PTK2: variants seen among roughly 807,000 people sequenced by gnomAD.
PTK2 encodes the protein focal adhesion kinase 1.
In PTK2, 45 loss-of-function variants were observed where a neutral mutation model predicts 150.1. The ratio of observed to expected loss-of-function variants is 0.30; its 90% CI spans 0.24 to 0.38. PTK2 has a LOEUF of 0.38. PTK2 is among the 10% of genes least tolerant of loss of function. PTK2 has a pLI of 1.00. For synonymous variants in PTK2, 432 were observed against 449.2 expected, an observed-to-expected ratio of 0.96 and a Z score of 0.48; for missense variants, 919 against 1,307.3, an observed-to-expected ratio of 0.70 and a Z score of 4.58.
chr8:140,880,862 C>A (rs1428715389), intron 3 of PTK2, among the ~76,000 whole-genome samples: 1 of 152,132 alleles, frequency 6.6e-6, no homozygotes, highest in Non-Finnish European at 1.5e-5. Context: ...CATACTGGTA[C>A]CTGGCATGTG....
chr8:140,729,550 G>A lies in PTK2; in HGVS notation c.2030+5701C>T, dbSNP rs146300559. Among the ~76,000 whole-genome samples, 567 of 152,324 alleles carry A rather than the reference G, an allele frequency of 3.7e-3. 3 individuals carry two copies. Among genetic ancestry groups the A allele is most frequent in the African/African-American group, 0.012 (516 of 41,582 alleles). On this transcript the variant is annotated intron_variant, in intron 22 of 31. Transcript: ENST00000522684. ...GGAAGCCATGTCCCCCTCAAAGCCC[G>A]TGGGTAGGGCCTCTGTGCATCTGCT...
intron 29 of PTK2, among the ~76,000 whole-genome samples, chr8:140,670,491 ACAC>A (rs1221597529): frequency 4.0e-5 from 1 of 24,878 alleles, no homozygotes; most frequent in African/African-American, 9.1e-5. Context: ...AAACAACAAC[ACAC>A]ACACACACAC....
chr8:140,992,664 A>G (rs1011440692), intron 1 of PTK2, among the ~76,000 whole-genome samples: 1 of 152,210 alleles, frequency 6.6e-6, no homozygotes, highest in East Asian at 1.9e-4. Context: ...AGTGTGAATG[A>G]GTTACCCCCT....
intron 3 of PTK2, among the ~76,000 whole-genome samples, chr8:140,887,782 A>G (rs761981420): frequency 6.6e-5 from 10 of 152,238 alleles, no homozygotes; most frequent in Non-Finnish European, 1.3e-4. Context: ...ATTATCATTT[A>G]ACATGTAATC....
chr8:140,939,020 TCA>T (rs1489344774), intron 1 of PTK2, among the ~76,000 whole-genome samples: 2 of 151,928 alleles, frequency 1.3e-5, no homozygotes, highest in Non-Finnish European at 2.9e-5. Flanking sequence ...GCATAAAAAG[TCA>T]CACCCTGCTT....
rs2100024905 is a variant in PTK2 at position 140,694,062 on chromosome 8, A to G, written c.2499+6829T>C. On this transcript the variant is annotated intron_variant, in intron 26 of 31. Transcript: ENST00000522684. ...CTTTTCTTTTTTTTTTTTTTTTGAG[A>G]TGGAGTCTCGCTCTGTCGCCCAGGC... Among the ~76,000 whole-genome samples the G allele has an allele frequency of 2.2e-5, 3 of 138,054 alleles. No individual in the cohort carries two copies. The South Asian group carries it at 6.8e-4, about 31-fold the overall frequency. The allele number at this position is 138,054 out of a possible 152,430, so 90.6% of individuals were successfully genotyped here.
intron 7 of PTK2, among the ~76,000 whole-genome samples, chr8:140,842,545 C>T (rs2100122970): frequency 6.6e-6 from 1 of 151,992 alleles, no homozygotes; most frequent in South Asian, 2.1e-4. Flanking sequence ...CCATTTTACA[C>T]GTTTGGAAAC....
chr8:140,762,423 C>A (rs1419442658), intron 15 of PTK2, 35 bp from the exon 18 acceptor site: 1 of 1,104,630 alleles, frequency 9.1e-7, no homozygotes, highest in Non-Finnish European at 1.1e-6. Context: ...AAATTGAAGA[C>A]CTTGCTTAGA....
chr8:140,726,151 C>T (rs1407821072), intron 22 of PTK2, among the ~76,000 whole-genome samples: 1 of 151,566 alleles, frequency 6.6e-6, no homozygotes, highest in Non-Finnish European at 1.5e-5. Flanking sequence ...AGTTAGGGTA[C>T]CTGAAGGTAA....
rs1486408871 is a variant in PTK2 at position 140,761,266 on chromosome 8, T to A, written c.1235-4A>T. On this transcript the variant is annotated splice_polypyrimidine_tract_variant and splice_region_variant and intron_variant, in intron 15 of 31. Coordinates refer to ENST00000522684, the Ensembl canonical transcript of PTK2. ...CTTTGAATCTCATAATCCCTGGCTG[T>A]AAAACATAATTCACACATCAATACT... is the stretch of plus-strand genomic sequence containing the variant. 6.3e-7 allele frequency: 1 copy of A among 1,595,342 alleles called. No homozygotes were observed. The highest frequency in any genetic ancestry group is 2.2e-5 in the East Asian group (1 of 44,664).
At chr8:140,660,550 C>G in intron 31 of PTK2, 1 of 450,014 alleles carries the variant, frequency 2.2e-6, no homozygotes, top group Non-Finnish European at 4.5e-6. Context: ...ATGGTGAAAC[C>G]CCATCTCTAC....
At chr8:140,913,171 A>G (rs184382504) in intron 2 of PTK2, among the ~76,000 whole-genome samples, 1 of 152,330 alleles carries the variant, frequency 6.6e-6, no homozygotes, top group East Asian at 1.9e-4. Flanking sequence ...TAACACATTA[A>G]CAGATTTATT....
chr8:140,779,260 GA>G (rs1205584407), intron 14 of PTK2, among the ~76,000 whole-genome samples: 1,461 of 119,400 alleles, frequency 0.012, 20 homozygotes, highest in African/African-American at 0.037. Context: ...AAAAAAAAAA[GA>G]AAAAAAAAAA....
In PTK2 at chr8:140,962,561, G is replaced by C. The variant is rs543045366; in HGVS notation, c.-121-36812C>G. 4.6e-5 allele frequency among the ~76,000 whole-genome samples: 7 copies of C among 152,256 alleles called. 1 individual carries two copies. Among genetic ancestry groups the C allele is most frequent in the Admixed American group, 4.6e-4 (7 of 15,298 alleles). On this transcript the variant is annotated intron_variant, in intron 1 of 31. Transcript: ENST00000522684. ...CACCTGTAATCCCAGCACTGTGGGAGGCCGAGGCGTGTAGATCATGAGGTG... is the reference window on the plus strand; with the variant it reads ...CACCTGTAATCCCAGCACTGTGGGACGCCGAGGCGTGTAGATCATGAGGTG...
intron 27 of PTK2, 44 bp from the exon 31 acceptor site, chr8:140,675,543 T>C (rs753894610): frequency 9.8e-6 from 14 of 1,428,986 alleles, no homozygotes; most frequent in African/African-American, 2.8e-5. Context: ...GTATATACAC[T>C]TGGGCAATGA....
intron 1 of PTK2, among the ~76,000 whole-genome samples, chr8:140,960,634 C>T (rs772163432): frequency 6.6e-6 from 1 of 152,168 alleles, no homozygotes; most frequent in Non-Finnish European, 1.5e-5. Context: ...AGGTGAACTA[C>T]CAAAATTGTT....
At chr8:140,943,798 T>C (rs771983812) in intron 1 of PTK2, among the ~76,000 whole-genome samples, 3 of 152,226 alleles carry the variant, frequency 2.0e-5, no homozygotes, top group Non-Finnish European at 4.4e-5. Context: ...TGATATCTCG[T>C]GTGGTTGTAA....
At chr8:140,979,748 T>C (rs902092318) in intron 1 of PTK2, among the ~76,000 whole-genome samples, 9 of 152,154 alleles carry the variant, frequency 5.9e-5, no homozygotes, top group African/African-American at 2.2e-4. Flanking sequence ...GATACTAAGT[T>C]TCATGAGATC....
chr8:140,921,984 C>A (rs12678285), intron 2 of PTK2, among the ~76,000 whole-genome samples: 2 of 152,064 alleles, frequency 1.3e-5, no homozygotes, highest in Non-Finnish European at 2.9e-5. Flanking sequence ...CACACTGAGA[C>A]TCTACAGTTC....
Sources: gnomAD v4.1 joint callset for allele counts (sites outside exome capture counted in the v4.1 genomes callset) on GRCh38, gnomAD v4.1.1 for gene constraint, MANE v1.5 for transcripts, NCBI Gene and HGNC (gene_info 2026-07-23, HGNC 2026-07-21) for gene names.